Variants in TACC2 observed in about 807,000 individuals in gnomAD.
The protein encoded by TACC2 is transforming acidic coiled-coil-containing protein 2.
In TACC2, 137 loss-of-function variants were observed where a neutral mutation model predicts 227.3. That is an observed-to-expected ratio of 0.60 (90% CI 0.52 to 0.69). The LOEUF is 0.69. Among genes scored for constraint, TACC2 ranks in the 30% least tolerant of loss-of-function variants. The probability of loss-of-function intolerance (pLI) is 0.00; values close to 1 mark genes in which losing one functional copy is unlikely to be tolerated. For synonymous variants in TACC2, 1,523 were observed against 1,487.5 expected, an observed-to-expected ratio of 1.02 and a Z score of -0.55; for missense variants, 3,470 against 3,694.4, an observed-to-expected ratio of 0.94 and a Z score of 1.57.
intron 7 of TACC2, among the ~76,000 whole-genome samples, chr10:122,162,060 C>T (rs1287503486): frequency 6.6e-6 from 1 of 152,210 alleles, no homozygotes; most frequent in African/African-American, 2.4e-5. Flanking sequence ...CCTCGTCACA[C>T]CACCCCGACA....
intron 1 of TACC2, among the ~76,000 whole-genome samples, chr10:121,992,544 C>G (rs2134852303): frequency 6.6e-6 from 1 of 152,294 alleles, no homozygotes; most frequent in Admixed American, 6.5e-5. Flanking sequence ...TGTACATCAT[C>G]ATGATTAAGT....
chr10:122,203,942 G>T (rs1178200914), intron 8 of TACC2, among the ~76,000 whole-genome samples: 2 of 151,918 alleles, frequency 1.3e-5, no homozygotes, highest in Non-Finnish European at 2.9e-5. Context: ...GATCACTCGC[G>T]GTTAGGGGCT....
At chr10:122,151,148 A>G (rs991321952) in intron 7 of TACC2, among the ~76,000 whole-genome samples, 2 of 152,196 alleles carry the variant, frequency 1.3e-5, no homozygotes, top group Non-Finnish European at 2.9e-5. Flanking sequence ...GTGATGGGGA[A>G]AAGGAGGCAG....
chr10:122,162,272 C>G (rs963165760), intron 7 of TACC2, among the ~76,000 whole-genome samples: 1 of 152,194 alleles, frequency 6.6e-6, no homozygotes, highest in Admixed American at 6.5e-5. Flanking sequence ...ACTGTGACCT[C>G]GAGTGTCAGT....
At chr10:122,041,907 A>C (rs2253762) in intron 2 of TACC2, among the ~76,000 whole-genome samples, 47,651 of 152,164 alleles carry the variant, frequency 0.31, 7,852 homozygotes, top group Admixed American at 0.42. Context: ...TTCTGAATAA[A>C]TGTGTAAAAT....
intron 6 of TACC2, among the ~76,000 whole-genome samples, chr10:122,136,510 T>TAC (rs1363435643): frequency 7.0e-6 from 1 of 143,854 alleles, no homozygotes; most frequent in African/African-American, 2.5e-5. Flanking sequence ...AATGAATATA[T>TAC]ATATATATGT....
At chr10:121,991,263 C>T (rs534154197) in intron 1 of TACC2, among the ~76,000 whole-genome samples, 1 of 152,244 alleles carries the variant, frequency 6.6e-6, no homozygotes, top group South Asian at 2.1e-4. Context: ...TATAAATCCA[C>T]CTGTTTACTG....
At chr10:122,131,546 A>G (rs988532261) in intron 5 of TACC2, among the ~76,000 whole-genome samples, 3 of 152,228 alleles carry the variant, frequency 2.0e-5, no homozygotes, top group African/African-American at 7.2e-5. Context: ...ACTTTAAAAA[A>G]TATAATTAAA....
rs1318429487 is a variant in TACC2 at position 122,242,000 on chromosome 10, A to G, written c.8391A>G (p.Ile2797Met). The G allele has an allele frequency of 6.2e-7, 1 of 1,614,170 alleles. No individual in the cohort carries two copies. The highest frequency in any genetic ancestry group is 1.7e-5 in the Admixed American group (1 of 60,032). Residue 2797 changes from isoleucine to methionine, a missense_variant and splice_region_variant, in exon 19 of 23, where the codon ATA (isoleucine) becomes ATG (methionine). Physicochemically the swap from Ile to Met is conservative, Grantham distance 10. This residue lies in a region of TACC2 where 65 missense variants were observed against 119.3 expected (regional missense o/e 0.54). Coordinates refer to ENST00000369005, the MANE Select transcript of TACC2 (RefSeq NM_206862.4). ...AEYEKTIAQM[I>M]EDEQREKSVS... ...ATGAGAAGACCATCGCTCAGATGAT[A>G]GGTAGGTGTCCTGACCTGCGGGGGC... is the stretch of plus-strand genomic sequence containing the variant.
Position 122,086,380 on chromosome 10 carries a change from C to G in TACC2, c.3880C>G (p.Leu1294Val). 1 of 1,613,676 alleles carries G rather than the reference C, an allele frequency of 6.2e-7. No homozygotes were observed. Among genetic ancestry groups the G allele is most frequent in the Non-Finnish European group, 8.5e-7 (1 of 1,180,012 alleles). ...GCTGTTTGCTGGCTCCCTCGCCCCC[C>G]TGTTGCAACCAGGAGCTGCAGGTGG... ...LKLFAGSLAP[L>V]LQPGAAGGEI... The change falls in exon 4 of 23, where the codon CTG becomes GTG. Residue 1294 changes from leucine (L) to valine (V), a missense_variant. Around this residue, in one of 10 missense-constraint regions of TACC2, gnomAD observed 1,924 missense variants for 1,978.3 expected, o/e 0.97. Transcript: ENST00000369005.
intron 6 of TACC2, among the ~76,000 whole-genome samples, chr10:122,134,628 C>T (rs557849793): frequency 4.6e-5 from 7 of 152,222 alleles, no homozygotes; most frequent in Non-Finnish European, 8.8e-5. Context: ...ATTCCTCCCC[C>T]TCTTTGTCCC....
chr10:122,090,880 T>A (rs983349651), intron 5 of TACC2, among the ~76,000 whole-genome samples: 1 of 152,148 alleles, frequency 6.6e-6, no homozygotes, highest in Admixed American at 6.5e-5. Context: ...TAGCTGGGAC[T>A]ACAGGTGTGC....
intron 7 of TACC2, among the ~76,000 whole-genome samples, chr10:122,152,656 C>T (rs928182322): frequency 3.9e-5 from 6 of 152,220 alleles, no homozygotes; most frequent in Admixed American, 1.3e-4. Context: ...GAGGTTGGCA[C>T]GTGGTACCAG....
intron 1 of TACC2, among the ~76,000 whole-genome samples, chr10:122,009,788 T>TG (rs1955695341): frequency 6.6e-6 from 1 of 151,838 alleles, no homozygotes; most frequent in Non-Finnish European, 1.5e-5. Flanking sequence ...TAGCTGGGCA[T>TG]GGGGGTGCGC....
chr10:122,102,852 C>T (rs1373296843), intron 5 of TACC2, among the ~76,000 whole-genome samples: 1 of 152,138 alleles, frequency 6.6e-6, no homozygotes, highest in South Asian at 2.1e-4. Context: ...TGCAGAGCTG[C>T]CCCCACACAT....
At chr10:122,200,352 A>T (rs1344363423) in intron 8 of TACC2, among the ~76,000 whole-genome samples, 2 of 152,228 alleles carry the variant, frequency 1.3e-5, no homozygotes, top group East Asian at 3.9e-4. Context: ...ACATGAGAGG[A>T]TGGCGACCTC....
intron 7 of TACC2, among the ~76,000 whole-genome samples, chr10:122,165,552 T>C (rs1266127473): frequency 1.3e-5 from 2 of 152,178 alleles, no homozygotes; most frequent in Non-Finnish European, 2.9e-5. Context: ...GCTGTGCCTT[T>C]TTGGATAAGG....
intron 3 of TACC2, among the ~76,000 whole-genome samples, chr10:122,071,918 T>C (rs1285630528): frequency 6.7e-6 from 1 of 148,614 alleles, no homozygotes; most frequent in Non-Finnish European, 1.5e-5. Context: ...ATATGACTTG[T>C]GTAGGATACT....
chr10:122,180,993 C>A lies in TACC2; in HGVS notation c.5835-14047C>A, dbSNP rs1175982490. On this transcript the variant is annotated intron_variant, in intron 7 of 22. Coordinates refer to ENST00000369005, the MANE Select transcript of TACC2 (RefSeq NM_206862.4). This position sits in a 1 kb window ranked among gnomAD's most constrained non-coding sequence, Gnocchi z 4.5. Reference sequence around the variant, plus strand: ...TCCTGACCTCAGGTGATCCACCCACCTCAGCCTCCCAAAGTGCTGGGATTA... The same window carrying A: ...TCCTGACCTCAGGTGATCCACCCACATCAGCCTCCCAAAGTGCTGGGATTA... Among the ~76,000 whole-genome samples the A allele has an allele frequency of 6.6e-6, 1 of 152,052 alleles. No homozygotes were observed. Among genetic ancestry groups the A allele is most frequent in the Non-Finnish European group, 1.5e-5 (1 of 68,002 alleles).
Sources: allele counts gnomAD v4.1 joint callset (sites outside exome capture counted in the v4.1 genomes callset), GRCh38; gene constraint gnomAD v4.1.1; regional missense constraint gnomAD v4.1.1; non-coding constraint Gnocchi (gnomAD v3.1); transcripts MANE v1.5; gene names NCBI Gene and HGNC (gene_info 2026-07-23, HGNC 2026-07-21).